The following RABGAP1L variants were observed in gnomAD, a reference collection of about 807,000 sequenced individuals.
RABGAP1L encodes the protein rab GTPase-activating protein 1-like.
A neutral mutation model predicts 137.7 loss-of-function variants in RABGAP1L; 63 were observed. That is an observed-to-expected ratio of 0.46 (90% CI 0.37 to 0.56). The LOEUF (loss-of-function observed/expected upper bound fraction) is 0.56. Ranked by LOEUF, RABGAP1L falls within the 20% of genes least tolerant of loss-of-function variation. The pLI, the probability that RABGAP1L is intolerant of heterozygous loss-of-function variation, is 0.00. For missense variants in RABGAP1L, 1,095 were observed against 1,244.0 expected, an observed-to-expected ratio of 0.88 and a Z score of 1.80; for synonymous variants, 431 against 433.7, an observed-to-expected ratio of 0.99 and a Z score of 0.08.
intron 13 of RABGAP1L, among the ~76,000 whole-genome samples, chr1:174,475,516 G>A (rs1658406208): frequency 6.6e-6 from 1 of 151,892 alleles, no homozygotes; most frequent in Non-Finnish European, 1.5e-5. Flanking sequence ...AAATATTAGG[G>A]GCAAACAATT....
intron 13 of RABGAP1L, among the ~76,000 whole-genome samples, chr1:174,468,291 G>A (rs1261138134): frequency 6.6e-6 from 1 of 152,128 alleles, no homozygotes; most frequent in Non-Finnish European, 1.5e-5. Context: ...TGTAAGTGAT[G>A]CCCTAGTACT....
chr1:174,614,724 G>A (rs1230147939), intron 13 of RABGAP1L, among the ~76,000 whole-genome samples: 8 of 152,276 alleles, frequency 5.3e-5, no homozygotes, highest in Admixed American at 3.9e-4. Flanking sequence ...CCAATCAGAC[G>A]TAGATTTGGT....
Position 174,990,137 on chromosome 1 carries a change from TC to T in RABGAP1L, c.*137del. On this transcript the variant is annotated 3_prime_UTR_variant, in exon 26 of 26. Transcript: ENST00000681986. ...GAATTTTTCAGTAGCTCTCACTCTTTCTTGTATGACACTTTTCAAAGGGATG... is the reference window on the plus strand; with the variant it reads ...GAATTTTTCAGTAGCTCTCACTCTTTTTGTATGACACTTTTCAAAGGGATG... 1.8e-6 allele frequency: 2 copies of T among 1,120,414 alleles called. No homozygotes were observed. Among genetic ancestry groups the T allele is most frequent in the Non-Finnish European group, 2.5e-6 (2 of 804,362 alleles). 69.4% of individuals were successfully genotyped at this position (1,120,414 alleles called of 1,614,324 possible).
At chr1:174,481,910 A>T (rs1659140330) in intron 13 of RABGAP1L, among the ~76,000 whole-genome samples, 1 of 151,702 alleles carries the variant, frequency 6.6e-6, no homozygotes, top group Admixed American at 6.6e-5. Flanking sequence ...AAAGAAAAAA[A>T]AAAGAAACCA....
intron 19 of RABGAP1L, among the ~76,000 whole-genome samples, chr1:174,920,549 G>A (rs1377492521): frequency 2.0e-5 from 3 of 152,190 alleles, no homozygotes; most frequent in Non-Finnish European, 4.4e-5. Context: ...CTACTGTTAC[G>A]AGTTGAATTG....
chr1:174,632,674 G>A lies in RABGAP1L; in HGVS notation c.1711-4701G>A, dbSNP rs1383840508. 3.3e-5 allele frequency among the ~76,000 whole-genome samples: 5 copies of A among 149,270 alleles called. No individual in the cohort carries two copies. The East Asian group carries it at 9.8e-4, about 29-fold the overall frequency. ...TCCATCACTGATACCCTTTCTTCCA[G>A]TTGATCGCATCGGCTCCTGAGGCTT... On this transcript the variant is annotated intron_variant, in intron 13 of 25. Transcript: ENST00000681986.
chr1:174,917,335 ATAT>A (rs1298685409), intron 19 of RABGAP1L, among the ~76,000 whole-genome samples: 1 of 152,180 alleles, frequency 6.6e-6, no homozygotes, highest in Non-Finnish European at 1.5e-5. Flanking sequence ...ATATGTGTTG[ATAT>A]TATGTATACA....
At chr1:174,663,092 C>T (rs776923360) in intron 14 of RABGAP1L, among the ~76,000 whole-genome samples, 14 of 152,084 alleles carry the variant, frequency 9.2e-5, no homozygotes, top group Non-Finnish European at 1.9e-4. Context: ...GTAGCCTAAG[C>T]GTACAGTATT....
At chr1:174,574,226 A>T (rs549384502) in intron 13 of RABGAP1L, among the ~76,000 whole-genome samples, 4 of 152,306 alleles carry the variant, frequency 2.6e-5, no homozygotes, top group Non-Finnish European at 4.4e-5. Context: ...TAAACAATTG[A>T]TTTTTAGCAA....
chr1:174,604,955 A>G (rs993759789), intron 13 of RABGAP1L, among the ~76,000 whole-genome samples: 3 of 152,124 alleles, frequency 2.0e-5, no homozygotes, highest in Admixed American at 1.3e-4. Flanking sequence ...AGCCTGGCCA[A>G]CATTGTGAAA....
intron 19 of RABGAP1L, among the ~76,000 whole-genome samples, chr1:174,886,879 T>A (rs1055223993): frequency 6.6e-6 from 1 of 152,106 alleles, no homozygotes; most frequent in African/African-American, 2.4e-5. Context: ...CAATCTCGGC[T>A]TACTGTAACC....
chr1:174,287,529 G>A (rs563950600), intron 10 of RABGAP1L, among the ~76,000 whole-genome samples: 18 of 152,202 alleles, frequency 1.2e-4, no homozygotes, highest in South Asian at 8.3e-4. Flanking sequence ...TTACTTTGTT[G>A]CCCAGATTGG....
chr1:174,183,516 C>T, intron 1 of RABGAP1L, among the ~76,000 whole-genome samples: 1 of 152,214 alleles, frequency 6.6e-6, no homozygotes. Flanking sequence ...TTCCTGCATA[C>T]CCCTGCCCTT....
At chr1:174,872,423 A>G (rs2149057813) in intron 19 of RABGAP1L, among the ~76,000 whole-genome samples, 1 of 152,200 alleles carries the variant, frequency 6.6e-6, no homozygotes, top group East Asian at 1.9e-4. Flanking sequence ...TTTCTCATTC[A>G]TATTTTCTCT....
At chr1:174,434,302 T>C (rs1229210534) in intron 13 of RABGAP1L, among the ~76,000 whole-genome samples, 1 of 152,224 alleles carries the variant, frequency 6.6e-6, no homozygotes, top group Non-Finnish European at 1.5e-5. Context: ...TGTGTGTCTT[T>C]AGTGTTGTTC....
intron 1 of RABGAP1L, among the ~76,000 whole-genome samples, chr1:174,187,129 T>C (rs1666863769): frequency 1.3e-5 from 2 of 152,142 alleles, no homozygotes; most frequent in Non-Finnish European, 2.9e-5. Context: ...GGCCCAGATC[T>C]TTTGAGGTCT....
At chr1:174,234,510 T>G (rs1331841398) in intron 4 of RABGAP1L, among the ~76,000 whole-genome samples, 1 of 144,762 alleles carries the variant, frequency 6.9e-6, no homozygotes, top group Non-Finnish European at 1.5e-5. Context: ...CCAGCACCAT[T>G]TATTAAATAG....
chr1:174,235,045 C>G (rs1037236458), intron 4 of RABGAP1L, among the ~76,000 whole-genome samples: 25 of 135,958 alleles, frequency 1.8e-4, no homozygotes, highest in African/African-American at 6.3e-4. Flanking sequence ...AATGGGAGTT[C>G]ACTCATGATT....
chr1:174,824,558 T>C (rs1043112220), intron 19 of RABGAP1L, among the ~76,000 whole-genome samples: 1 of 152,244 alleles, frequency 6.6e-6, no homozygotes, highest in East Asian at 1.9e-4. Context: ...ATTAGGAAGG[T>C]TGGGCCATTG....
Sources: allele counts gnomAD v4.1 joint callset (sites outside exome capture counted in the v4.1 genomes callset), GRCh38; gene constraint gnomAD v4.1.1; transcripts MANE v1.5; gene names NCBI Gene and HGNC (gene_info 2026-07-23, HGNC 2026-07-21).